The following DOCK10 variants were observed in gnomAD, a reference collection of about 807,000 sequenced individuals.
The protein encoded by DOCK10 is dedicator of cytokinesis protein 10.
A neutral mutation model predicts 280.1 loss-of-function variants in DOCK10; 145 were observed. The ratio of observed to expected loss-of-function variants is 0.52; its 90% CI spans 0.45 to 0.59. The LOEUF (loss-of-function observed/expected upper bound fraction) is 0.59, where lower values mean the gene tolerates loss of function less well. Among genes scored for constraint, DOCK10 ranks in the 20% least tolerant of loss-of-function variants. The pLI, the probability that DOCK10 is intolerant of heterozygous loss-of-function variation, is 0.00. For missense variants in DOCK10, 2,368 were observed against 2,651.7 expected (o/e 0.89, Z 2.35); for synonymous variants, 915 against 942.2 (o/e 0.97, Z 0.53).
intron 39 of DOCK10, 114 bp from the exon 40 acceptor site, chr2:224,802,154 A>G: frequency 9.1e-7 from 1 of 1,097,284 alleles, no homozygotes; most frequent in South Asian, 1.8e-5. Flanking sequence ...CTAGTTTGGA[A>G]AGCAACTTTT....
chr2:224,815,898 T>A (rs1207092841), intron 30 of DOCK10, among the ~76,000 whole-genome samples: 3 of 148,872 alleles, frequency 2.0e-5, no homozygotes. Flanking sequence ...TAGCCAGGTG[T>A]GGTGGCACAC....
intron 1 of DOCK10, among the ~76,000 whole-genome samples, chr2:225,016,554 T>TAGATACATATATCTATGTGCACAC (rs1689597327): frequency 7.0e-6 from 1 of 142,230 alleles, no homozygotes. Flanking sequence ...TATATGCACA[T>TAGATACATATATCTATGTGCACAC]AGATACATAT....
At chr2:224,935,839 T>C (rs932282227) in intron 1 of DOCK10, among the ~76,000 whole-genome samples, 1 of 152,206 alleles carries the variant, frequency 6.6e-6, no homozygotes, top group African/African-American at 2.4e-5. Flanking sequence ...AATAAATTTA[T>C]ATTATTTCAT....
intron 1 of DOCK10, among the ~76,000 whole-genome samples, chr2:225,006,916 A>G (rs1010307467): frequency 2.1e-4 from 32 of 152,212 alleles, no homozygotes; most frequent in Admixed American, 3.9e-4. Flanking sequence ...ATTAGATTAC[A>G]CTGAGGTGTG....
At chr2:224,876,249 A>T (rs1698621086) in intron 7 of DOCK10, 28 bp from the exon 8 acceptor site, 1 of 1,546,060 alleles carries the variant, frequency 6.5e-7, no homozygotes, top group Admixed American at 2.0e-5. Flanking sequence ...AGAAAGAAAA[A>T]GAGAATACCA....
rs776104946 is a variant in DOCK10 at position 225,014,081 on chromosome 2, A to ATATATAT, written c.123+28170_123+28171insATATATA. Among the ~76,000 whole-genome samples, 477 of 96,740 alleles carry ATATATAT rather than the reference A, an allele frequency of 4.9e-3. 1 individual carries two copies. Among genetic ancestry groups the ATATATAT allele is most frequent in the East Asian group, 0.013 (42 of 3,152 alleles). 63.5% of individuals were successfully genotyped at this position (96,740 alleles called of 152,430 possible). A position where few individuals can be genotyped will look rare whatever the true frequency, so the allele number is the denominator to read the frequency against. On this transcript the variant is annotated intron_variant, in intron 1 of 55. Transcript: ENST00000258390. ...AAAAAATCCCCAGAAGTCTGAATAT[A>ATATATAT]TTGTTTTTTTTTTTTTGTTTTTTTT...
chr2:224,967,897 TTC>T (rs1443040665), intron 1 of DOCK10, among the ~76,000 whole-genome samples: 3 of 150,044 alleles, frequency 2.0e-5, no homozygotes, highest in Non-Finnish European at 4.4e-5. Flanking sequence ...TAGTATATAC[TTC>T]TTTTACAATT....
chr2:224,793,582 T>C lies in DOCK10; in HGVS notation c.5155-125A>G, dbSNP rs541687106. 6.6e-5 allele frequency: 41 copies of C among 617,340 alleles called. 1 individual carries two copies. The African/African-American group carries it at 7.6e-4, about 11-fold the overall frequency. 38.2% of individuals were successfully genotyped at this position (617,340 alleles called of 1,614,324 possible). On this transcript the variant is annotated intron_variant, in intron 45 of 55. Coordinates refer to ENST00000258390, the MANE Select transcript of DOCK10 (RefSeq NM_014689.3). ...AGAAGGATCCTTTGTAATCACCAAA[T>C]TGAAAGCAAGGATCAATTGTATTTC...
At chr2:224,981,411 G>C (rs1211411437) in intron 1 of DOCK10, among the ~76,000 whole-genome samples, 1 of 152,042 alleles carries the variant, frequency 6.6e-6, no homozygotes, top group Non-Finnish European at 1.5e-5. Flanking sequence ...AAATCTAAGA[G>C]AAAAAAGTCG....
intron 11 of DOCK10, among the ~76,000 whole-genome samples, chr2:224,869,312 T>C (rs961951202): frequency 2.6e-5 from 4 of 152,316 alleles, no homozygotes; most frequent in Non-Finnish European, 5.9e-5. Flanking sequence ...CTGTCAAACA[T>C]TGTTTTCTCA....
At chr2:224,933,626 C>G (rs1030238529) in intron 1 of DOCK10, among the ~76,000 whole-genome samples, 4 of 152,176 alleles carry the variant, frequency 2.6e-5, no homozygotes, top group African/African-American at 9.7e-5. Context: ...GCTCTTACGT[C>G]TGCCTTAGAT....
chr2:224,881,558 T>C (rs982563485), intron 7 of DOCK10, among the ~76,000 whole-genome samples: 3 of 152,298 alleles, frequency 2.0e-5, no homozygotes, highest in Middle Eastern at 3.4e-3. Flanking sequence ...GTCTGTAATT[T>C]TGGACATTCC....
intron 47 of DOCK10, among the ~76,000 whole-genome samples, chr2:224,790,350 G>A (rs1222110266): frequency 6.6e-6 from 1 of 152,148 alleles, no homozygotes; most frequent in East Asian, 1.9e-4. Flanking sequence ...AGCTTCTCTT[G>A]TTTTTCTCAC....
chr2:224,978,762 C>T (rs1161970629), intron 1 of DOCK10, among the ~76,000 whole-genome samples: 1 of 152,138 alleles, frequency 6.6e-6, no homozygotes, highest in Non-Finnish European at 1.5e-5. Flanking sequence ...CCTTGAAACT[C>T]CAGACATATA....
intron 7 of DOCK10, among the ~76,000 whole-genome samples, chr2:224,876,555 A>G (rs10193574): frequency 0.19 from 28,996 of 152,046 alleles, 4,811 homozygotes; most frequent in African/African-American, 0.46. Context: ...CTCACCTTAT[A>G]TTCTGTGATT....
At chr2:224,841,476 T>C (rs1024933777) in intron 23 of DOCK10, among the ~76,000 whole-genome samples, 3 of 152,226 alleles carry the variant, frequency 2.0e-5, no homozygotes, top group Non-Finnish European at 4.4e-5. Flanking sequence ...TTTATCTGGC[T>C]TTATTCTTTA....
At chr2:225,016,549 G>A (rs1210088925) in intron 1 of DOCK10, among the ~76,000 whole-genome samples, 1 of 138,942 alleles carries the variant, frequency 7.2e-6, no homozygotes, top group South Asian at 2.4e-4. Context: ...ATATCTATAT[G>A]CACATAGATA....
chr2:224,901,258 C>A (rs1156263352), intron 3 of DOCK10, among the ~76,000 whole-genome samples: 2 of 152,186 alleles, frequency 1.3e-5, no homozygotes, highest in Non-Finnish European at 2.9e-5. Flanking sequence ...TCACAGGCTA[C>A]AACTCTGCTT....
Position 224,777,327 on chromosome 2 carries a change from G to A in DOCK10, c.5802+811C>T, listed in dbSNP as rs1690948695. ...TGTGTCCGTGAGGGTGTCGCTAAAG[G>A]AGATTAACATTTGAGTCAGTGAACT... On this transcript the variant is annotated intron_variant, in intron 51 of 55. Coordinates refer to ENST00000258390, the MANE Select transcript of DOCK10 (RefSeq NM_014689.3). 2.0e-5 allele frequency among the ~76,000 whole-genome samples: 3 copies of A among 152,308 alleles called. No individual in the cohort carries two copies. The South Asian group carries it at 6.2e-4, about 32-fold the overall frequency.
Sources: allele counts gnomAD v4.1 joint callset (sites outside exome capture counted in the v4.1 genomes callset), GRCh38; gene constraint gnomAD v4.1.1; transcripts MANE v1.5; gene names NCBI Gene and HGNC (gene_info 2026-07-23, HGNC 2026-07-21).